Variants in GDAP1 observed in about 807,000 individuals in gnomAD.
GDAP1 encodes the protein ganglioside-induced differentiation-associated protein 1.
GDAP1 carries 34 observed loss-of-function variants against 40.1 expected under a neutral mutation model. The observed-to-expected ratio is 0.85, with a 90% CI of 0.64 to 1.13. The LOEUF (loss-of-function observed/expected upper bound fraction) is 1.13. Ranked by LOEUF, GDAP1 falls within the 50% of genes most tolerant of loss-of-function variation. The probability of loss-of-function intolerance (pLI) is 0.00; values close to 1 mark genes in which losing one functional copy is unlikely to be tolerated. For synonymous variants in GDAP1, 170 were observed against 157.4 expected (o/e 1.08, Z -0.60); for missense variants, 374 against 433.7 (o/e 0.86, Z 1.22).
chr8:74,429,305 A>AT (rs1020433180), intron 2 of GDAP1, among the ~76,000 whole-genome samples: 3 of 151,976 alleles, frequency 2.0e-5, no homozygotes, highest in Admixed American at 6.6e-5. Flanking sequence ...TATAATAAAA[A>AT]ATATATATAT....
intron 2 of GDAP1, among the ~76,000 whole-genome samples, chr8:74,459,163 G>T (rs1465359578): frequency 6.6e-6 from 1 of 152,088 alleles, no homozygotes; most frequent in African/African-American, 2.4e-5. Flanking sequence ...ACACTTGGTG[G>T]GTGGAAGCCC....
intron 2 of GDAP1, among the ~76,000 whole-genome samples, chr8:74,465,596 T>C (rs779759773): frequency 6.6e-6 from 1 of 152,176 alleles, no homozygotes; most frequent in Non-Finnish European, 1.5e-5. Context: ...AAATTACTCA[T>C]CTGCTTAAAA....
chr8:74,448,284 A>C (rs1312573954), intron 2 of GDAP1, among the ~76,000 whole-genome samples: 1 of 152,002 alleles, frequency 6.6e-6, no homozygotes, highest in African/African-American at 2.4e-5. Context: ...TGCTCCACGT[A>C]ATATTTTTAA....
At chr8:74,354,031 A>G (rs1426107989) in intron 2 of GDAP1, among the ~76,000 whole-genome samples, 1 of 152,180 alleles carries the variant, frequency 6.6e-6, no homozygotes, top group Middle Eastern at 3.2e-3. Context: ...AACATTTGCG[A>G]TTACGTTACA....
At position 74,420,131 on chromosome 8, in the gene GDAP1, T is replaced by C. The variant is rs191304391; in HGVS notation, c.166-68547T>C. 5.2e-3 allele frequency among the ~76,000 whole-genome samples: 796 copies of C among 152,304 alleles called. 7 individuals are homozygous for C. Among genetic ancestry groups the C allele is most frequent in the Admixed American group, 0.011 (161 of 15,292 alleles). ...TTCTTTTTCTGGATTGTTTTGGCTG[T>C]TTGGGATCCCATGCAATTCCATATA... On this transcript the variant is annotated intron_variant, in intron 2 of 2. Transcript: ENST00000523640.
rs529400343 is a variant in GDAP1, at chr8:74,405,210, C to G, written c.165+53889C>G. ...GGAGAACTCCCATTTATAAAACCAT[C>G]AGATATTGTGAGAGTTATCACTACC... On this transcript the variant is annotated intron_variant, in intron 2 of 2. Transcript: ENST00000523640. Among the ~76,000 whole-genome samples, 20 of 149,976 alleles carry G rather than the reference C, an allele frequency of 1.3e-4. 3 individuals are homozygous for G. The highest frequency in any genetic ancestry group is 4.8e-4 in the African/African-American group (19 of 39,322).
Position 74,366,300 on chromosome 8 carries a change from C to A in GDAP1, c.*1933C>A. Reference sequence around the variant, plus strand: ...ATGACCACTAGATGTCGCTGTTTATCCAGTAGACTAAGATTGAGTGTTCTT... The same window carrying A: ...ATGACCACTAGATGTCGCTGTTTATACAGTAGACTAAGATTGAGTGTTCTT... On this transcript the variant is annotated 3_prime_UTR_variant, in exon 6 of 6. Coordinates refer to ENST00000220822, the MANE Select transcript of GDAP1 (RefSeq NM_018972.4). 2.2e-6 allele frequency: 1 copy of A among 454,378 alleles called. No individual in the cohort carries two copies. The highest frequency in any genetic ancestry group is 4.4e-6 in the Non-Finnish European group (1 of 226,762). The allele number at this position is 454,378 out of a possible 1,614,324, so 28.1% of individuals were successfully genotyped here.
downstream of GDAP1, among the ~76,000 whole-genome samples, chr8:74,370,338 ACTATTGTAAAG>A (rs1486135004): frequency 6.6e-6 from 1 of 152,234 alleles, no homozygotes; most frequent in Non-Finnish European, 1.5e-5. Context: ...ATGGAATTAC[ACTATTGTAAAG>A]CTATTAGGTT....
chr8:74,356,716 A>ATATATATATATTTTTT (rs375377157), intron 2 of GDAP1, among the ~76,000 whole-genome samples: 3 of 104,336 alleles, frequency 2.9e-5, no homozygotes, highest in African/African-American at 1.2e-4. Context: ...ATATATATAT[A>ATATATATATATTTTTT]TTTTTTTTTT....
At chr8:74,432,971 A>C (rs1474164949) in intron 2 of GDAP1, among the ~76,000 whole-genome samples, 1 of 152,162 alleles carries the variant, frequency 6.6e-6, no homozygotes, top group African/African-American at 2.4e-5. Flanking sequence ...TTCTGACATC[A>C]TATCTTATGA....
intron 2 of GDAP1, among the ~76,000 whole-genome samples, chr8:74,429,766 T>TGA (rs1806003150): frequency 2.0e-5 from 3 of 151,990 alleles, no homozygotes; most frequent in African/African-American, 7.2e-5. Context: ...AACACATGAG[T>TGA]TTTGAGGGGA....
intron 2 of GDAP1, among the ~76,000 whole-genome samples, chr8:74,436,632 G>A (rs1000260498): frequency 6.6e-6 from 1 of 151,958 alleles, no homozygotes; most frequent in African/African-American, 2.4e-5. Context: ...ATGTTGGCCA[G>A]ACTGGTCTTG....
chr8:74,360,514 A>G (rs1809312689), intron 3 of GDAP1, among the ~76,000 whole-genome samples: 1 of 152,206 alleles, frequency 6.6e-6, no homozygotes, highest in Non-Finnish European at 1.5e-5. Flanking sequence ...TTTATTGTCT[A>G]TAGGACCTGA....
rs1026683123 is a variant in GDAP1 at position 74,455,648 on chromosome 8, A to AT, written c.166-33022dup. Among the ~76,000 whole-genome samples the AT allele has an allele frequency of 3.3e-5, 5 of 151,308 alleles. 1 individual carries two copies. The highest frequency in any genetic ancestry group is 5.9e-5 in the Non-Finnish European group (4 of 67,680). On this transcript the variant is annotated intron_variant, in intron 2 of 2. Coordinates refer to the GDAP1 transcript ENST00000523640. ...CATTAGATCATGTCCTCCATTTTTCATTTTTTTTCTCCTCAGTGTAACATT... is the reference window on the plus strand; with the variant it reads ...CATTAGATCATGTCCTCCATTTTTCATTTTTTTTTCTCCTCAGTGTAACATT...
At chr8:74,429,010 C>T (rs1805992103) in intron 2 of GDAP1, among the ~76,000 whole-genome samples, 1 of 151,676 alleles carries the variant, frequency 6.6e-6, no homozygotes, top group South Asian at 2.1e-4. Context: ...TGATGGTTTC[C>T]AGCTTCATCC....
chr8:74,375,046 G>A (rs777140489), intron 2 of GDAP1, among the ~76,000 whole-genome samples: 1 of 147,632 alleles, frequency 6.8e-6, no homozygotes, highest in South Asian at 2.2e-4. Context: ...AAAAATATTG[G>A]GCCAGGTGTG....
In GDAP1 at chr8:74,362,784, C is replaced by CTTTTTTTT. The variant is rs1284434868; in HGVS notation, c.580-142_580-135dup. 6.0e-3 allele frequency among the ~76,000 whole-genome samples: 364 copies of CTTTTTTTT among 60,372 alleles called. 13 individuals are homozygous for CTTTTTTTT. Among genetic ancestry groups the CTTTTTTTT allele is most frequent in the East Asian group, 0.023 (34 of 1,498 alleles). The allele number at this position is 60,372 out of a possible 152,430, so 39.6% of individuals were successfully genotyped here. On this transcript the variant is annotated intron_variant, in intron 4 of 5. Transcript: ENST00000220822. ...CCCTTCAACTTAGCTCTCTCTCTCT[C>CTTTTTTTT]TTTTTTTTTTTTTTTTTTTTGCTGA... is the stretch of plus-strand genomic sequence containing the variant.
chr8:74,432,932 G>A (rs1193662141), intron 2 of GDAP1, among the ~76,000 whole-genome samples: 1 of 152,120 alleles, frequency 6.6e-6, no homozygotes, highest in Non-Finnish European at 1.5e-5. Context: ...TATGTATAAA[G>A]CCTCACATGA....
intron 2 of GDAP1, among the ~76,000 whole-genome samples, chr8:74,424,656 A>G (rs190273873): frequency 6.4e-4 from 98 of 152,290 alleles, no homozygotes; most frequent in African/African-American, 2.1e-3. Flanking sequence ...TGACAACTGT[A>G]TTGCAATATA....
Sources: gnomAD v4.1 joint callset for allele counts (sites outside exome capture counted in the v4.1 genomes callset) on GRCh38, gnomAD v4.1.1 for gene constraint, MANE v1.5 for transcripts, NCBI Gene and HGNC (gene_info 2026-07-23, HGNC 2026-07-21) for gene names.